Variants in AGAP5 observed in about 807,000 individuals in gnomAD.
AGAP5 encodes ArfGAP with GTPase domain, ankyrin repeat and PH domain 5.
Under a neutral mutation model 27.7 loss-of-function variants are expected in AGAP5, and 8 were observed. The ratio of observed to expected loss-of-function variants is 0.29; its 90% CI spans 0.17 to 0.52. The LOEUF (loss-of-function observed/expected upper bound fraction) is 0.52, where lower values mean the gene tolerates loss of function less well. Among genes scored for constraint, AGAP5 ranks in the 20% least tolerant of loss-of-function variants. The pLI is 0.97. For missense variants in AGAP5, 285 were observed against 880.8 expected (o/e 0.32, Z 8.56); for synonymous variants, 111 against 338.0 (o/e 0.33, Z 7.37).
rs780406313 is a variant in AGAP5, at chr10:73,697,569, G to A, written c.187C>T (p.His63Tyr). The A allele has an allele frequency of 1.9e-6, 3 of 1,612,732 alleles. No individual in the cohort carries two copies. In the East Asian group the frequency reaches 6.7e-5, roughly 36 times the overall value. Residue 63 changes from histidine (H) to tyrosine (Y), a missense_variant, in exon 1 of 8, where the codon CAC becomes TAC. His to Tyr is a moderately conservative substitution (Grantham distance 83, BLOSUM62 2). Coordinates refer to ENST00000374094, the MANE Select transcript of AGAP5 (RefSeq NM_001144000.4). Reference sequence around the variant, plus strand: ...TCCTGGTCACGAATGTGGTGCATGTGGAGGTCCTCACCAACTTCAACGGTC... The same window carrying A: ...TCCTGGTCACGAATGTGGTGCATGTAGAGGTCCTCACCAACTTCAACGGTC... The part of the protein sequence containing the change: ...EVTVEVGEDL[H>Y]MHHIRDQEMP...
At chr10:73,688,950 C>T (rs565927635) in intron 4 of AGAP5, among the ~76,000 whole-genome samples, 1 of 152,244 alleles carries the variant, frequency 6.6e-6, no homozygotes, top group South Asian at 2.1e-4. Flanking sequence ...TCCTCTGCCT[C>T]CTCTGTCTCC....
chr10:73,689,517 G>C (rs1360223129), intron 4 of AGAP5, among the ~76,000 whole-genome samples: 1 of 151,248 alleles, frequency 6.6e-6, no homozygotes, highest in Non-Finnish European at 1.5e-5. Flanking sequence ...GTCTCTGCCC[G>C]GCCGCCATCC....
chr10:73,697,417 G>T, intron 1 of AGAP5, 116 bp downstream of exon 1: 2 of 1,590,362 alleles, frequency 1.3e-6, no homozygotes, highest in Non-Finnish European at 1.7e-6. Flanking sequence ...CCAGCCCCCG[G>T]GAAAGCTGGC....
intron 4 of AGAP5, among the ~76,000 whole-genome samples, chr10:73,689,032 G>A (rs537019009): frequency 5.4e-4 from 82 of 152,266 alleles, no homozygotes; most frequent in Middle Eastern, 6.8e-3. Flanking sequence ...TCCCTCTGAT[G>A]CCCAGCCGAA....
chr10:73,691,515 CG>C (rs1284648627), intron 4 of AGAP5, among the ~76,000 whole-genome samples: 2 of 136,426 alleles, frequency 1.5e-5, no homozygotes, highest in Non-Finnish European at 3.1e-5. Flanking sequence ...TTTTTTGAGA[CG>C]GAGTTTCGCT....
chr10:73,697,733 C>A lies in AGAP5; in HGVS notation c.23G>T (p.Cys8Phe). ...CTCGAGGCTGACGCTAGGGTGCACACAACAGGTCAGTATGTTCCCCATGGG... is the reference window on the plus strand; with the variant it reads ...CTCGAGGCTGACGCTAGGGTGCACAAAACAGGTCAGTATGTTCCCCATGGG... MGNILTC[C>F]VHPSVSLEFD... The change falls in exon 1 of 8, where the codon TGT (cysteine) becomes TTT (phenylalanine). Residue 8 changes from cysteine (C) to phenylalanine (F), a missense_variant. Transcript: ENST00000374094. 6.3e-7 allele frequency: 1 copy of A among 1,597,820 alleles called. No individual in the cohort carries two copies. Among genetic ancestry groups the A allele is most frequent in the Non-Finnish European group, 8.5e-7 (1 of 1,179,792 alleles).
At position 73,675,420 on chromosome 10, in the gene AGAP5, C is replaced by T. The variant is rs778411817; in HGVS notation, c.1240G>A (p.Val414Met). The change falls in exon 8 of 8, where the codon GTG (valine) becomes ATG (methionine). Residue 414 changes from valine (V) to methionine (M), a missense_variant. Transcript: ENST00000374094. Reference protein sequence around the residue: ...KKKSTNNFMIVSATGQTWHFE... With the variant: ...KKKSTNNFMIMSATGQTWHFE... ...TGCCATGTTTGGCCAGTGGCAGACACAATCATAAAGTTGTTGGTGCTTTTC... is the reference window on the plus strand; with the variant it reads ...TGCCATGTTTGGCCAGTGGCAGACATAATCATAAAGTTGTTGGTGCTTTTC... 1.1e-5 allele frequency: 18 copies of T among 1,613,924 alleles called. No homozygotes were observed. The highest frequency in any genetic ancestry group is 1.4e-5 in the Non-Finnish European group (16 of 1,180,018).
chr10:73,677,265 A>G (rs956800441), intron 6 of AGAP5, among the ~76,000 whole-genome samples: 68 of 151,654 alleles, frequency 4.5e-4, no homozygotes, highest in African/African-American at 1.3e-3. Flanking sequence ...TAAACTTTGT[A>G]AAACTAATGC....
rs1471113195 is a variant in AGAP5 at position 73,698,078 on chromosome 10, GCTC to G, written c.-326_-324del. 40 of 1,321,328 alleles carry G rather than the reference GCTC, an allele frequency of 3.0e-5. No homozygotes were observed. Among genetic ancestry groups the G allele is most frequent in the East Asian group, 1.0e-4 (3 of 29,758 alleles). 81.9% of individuals were successfully genotyped at this position (1,321,328 alleles called of 1,614,324 possible). ...ACTGCCTGAAGAGAGAACAGACGGA[GCTC>G]CTCCTCCTTCTGTAGTCACCTACAG... On this transcript the variant is annotated 5_prime_UTR_variant, in exon 1 of 8. Transcript: ENST00000374094.
At position 73,676,704 on chromosome 10, in the gene AGAP5, A is replaced by G. The variant is rs951676985; in HGVS notation, c.585+15T>C. 4 of 1,025,118 alleles carry G rather than the reference A, an allele frequency of 3.9e-6. No individual in the cohort carries two copies. In the African/African-American group the frequency reaches 7.5e-5, roughly 19 times the overall value. 63.5% of individuals were successfully genotyped at this position (1,025,118 alleles called of 1,614,324 possible). ...TGTACGATGAAAATAGAACCTCAAT[A>G]AAAGTGCCACTTACCGCAAATGAGT... On this transcript the variant is annotated intron_variant, in intron 7 of 7. Transcript: ENST00000374094.
In AGAP5 at chr10:73,693,013, T is replaced by C. The variant is rs2082132092; in HGVS notation, c.362-936A>G. ...GGTGTCTGCAGCACAAAAAATCATTTTTTTTCCCTAAAAAGAGGCCAGAAT... is the reference window on the plus strand; with the variant it reads ...GGTGTCTGCAGCACAAAAAATCATTCTTTTTCCCTAAAAAGAGGCCAGAAT... On this transcript the variant is annotated intron_variant, in intron 3 of 7. Coordinates refer to ENST00000374094, the MANE Select transcript of AGAP5 (RefSeq NM_001144000.4). Among the ~76,000 whole-genome samples, 2 of 152,080 alleles carry C rather than the reference T, an allele frequency of 1.3e-5. 1 individual carries two copies. Among genetic ancestry groups the C allele is most frequent in the South Asian group, 4.1e-4 (2 of 4,832 alleles).
intron 2 of AGAP5, among the ~76,000 whole-genome samples, chr10:73,695,483 A>G (rs913440567): frequency 4.6e-5 from 7 of 152,226 alleles, no homozygotes; most frequent in African/African-American, 1.7e-4. Context: ...CTACCCATCT[A>G]CTAACTGGTG....
At chr10:73,690,277 G>A (rs990632527) in intron 4 of AGAP5, among the ~76,000 whole-genome samples, 10 of 152,200 alleles carry the variant, frequency 6.6e-5, no homozygotes, top group African/African-American at 2.4e-4. Flanking sequence ...AAGTTCTTCT[G>A]CCTTGGGATC....
chr10:73,677,835 C>T lies in AGAP5; in HGVS notation c.534-1065G>A, dbSNP rs956607045. 4.6e-5 allele frequency among the ~76,000 whole-genome samples: 7 copies of T among 152,140 alleles called. No individual in the cohort carries two copies. The East Asian group carries it at 5.8e-4, about 13-fold the overall frequency. Reference sequence around the variant, plus strand: ...AAAGTAGGTACAATGGCTGGTTTCTCAGCATAAATCAAGGCAGTGGTACCA... The same window carrying T: ...AAAGTAGGTACAATGGCTGGTTTCTTAGCATAAATCAAGGCAGTGGTACCA... On this transcript the variant is annotated intron_variant, in intron 6 of 7. Coordinates refer to ENST00000374094, the MANE Select transcript of AGAP5 (RefSeq NM_001144000.4).
intron 4 of AGAP5, among the ~76,000 whole-genome samples, chr10:73,689,517 G>A (rs1360223129): frequency 7.3e-5 from 11 of 151,360 alleles, no homozygotes; most frequent in African/African-American, 2.7e-4. Flanking sequence ...GTCTCTGCCC[G>A]GCCGCCATCC....
At chr10:73,689,761 C>T (rs1407135807) in intron 4 of AGAP5, among the ~76,000 whole-genome samples, 9 of 151,672 alleles carry the variant, frequency 5.9e-5, no homozygotes, top group Non-Finnish European at 8.8e-5. Context: ...GCAGCGCCCC[C>T]GTCTGAGAAG....
rs184606443 is a variant in AGAP5, at chr10:73,687,196, A to G, written c.397-4402T>C. On this transcript the variant is annotated intron_variant, in intron 4 of 7. Coordinates refer to ENST00000374094, the MANE Select transcript of AGAP5 (RefSeq NM_001144000.4). ...TAAAATAAAACAAAGACTAAAGTTT[A>G]TATTTTTCACTCTCCTTTTGGGCAG... Among the ~76,000 whole-genome samples, 610 of 152,370 alleles carry G rather than the reference A, an allele frequency of 4.0e-3. 3 individuals are homozygous for G. The highest frequency in any genetic ancestry group is 0.012 in the South Asian group (56 of 4,830).
intron 2 of AGAP5, 80 bp downstream of exon 2, chr10:73,697,015 A>C: frequency 6.3e-7 from 1 of 1,583,422 alleles, no homozygotes; most frequent in Non-Finnish European, 8.5e-7. Flanking sequence ...TTTTATTGAG[A>C]AAAGGAAGAG....
chr10:73,676,406 G>A (rs1263074037), intron 7 of AGAP5, among the ~76,000 whole-genome samples: 8 of 141,566 alleles, frequency 5.7e-5, no homozygotes, highest in Admixed American at 2.1e-4. Context: ...CTTGAACAGG[G>A]ACCTGGGAGG....
Sources: gnomAD v4.1 joint callset for allele counts (sites outside exome capture counted in the v4.1 genomes callset) on GRCh38, gnomAD v4.1.1 for gene constraint, MANE v1.5 for transcripts, NCBI Gene and HGNC (gene_info 2026-07-23, HGNC 2026-07-21) for gene names.